Variants in GRM1 observed in about 807,000 individuals in gnomAD.
GRM1 encodes the protein metabotropic glutamate receptor 1.
A neutral mutation model predicts 90.9 loss-of-function variants in GRM1; 33 were observed. The observed-to-expected ratio is 0.36, with a 90% CI of 0.28 to 0.49. The LOEUF (loss-of-function observed/expected upper bound fraction) is 0.49, where lower values mean the gene tolerates loss of function less well. Among genes scored for constraint, GRM1 ranks in the 20% least tolerant of loss-of-function variants. The pLI is 0.99. For synonymous variants in GRM1, 700 were observed against 613.2 expected (o/e 1.14, Z -2.09); for missense variants, 1,190 against 1,534.3 (o/e 0.78, Z 3.75).
chr6:146,243,420 C>T (rs1780936938), intron 2 of GRM1, among the ~76,000 whole-genome samples: 1 of 152,020 alleles, frequency 6.6e-6, no homozygotes, highest in African/African-American at 2.4e-5. Flanking sequence ...GTTCTTGTGT[C>T]TGCCTTGAGT....
At chr6:146,386,247 A>T (rs1273969951) in intron 5 of GRM1, among the ~76,000 whole-genome samples, 1 of 152,100 alleles carries the variant, frequency 6.6e-6, no homozygotes, top group Admixed American at 6.6e-5. Context: ...GGGAAAGTTT[A>T]AACTGCTCAG....
chr6:146,318,517 C>T (rs985096403), intron 3 of GRM1, among the ~76,000 whole-genome samples: 9 of 151,920 alleles, frequency 5.9e-5, no homozygotes, highest in Non-Finnish European at 1.2e-4. Context: ...GGGTATATAC[C>T]CAGTAATGGG....
chr6:146,085,168 T>C (rs1776497479), intron 1 of GRM1, among the ~76,000 whole-genome samples: 1 of 152,020 alleles, frequency 6.6e-6, no homozygotes, highest in East Asian at 1.9e-4. Flanking sequence ...GCAACAGAAA[T>C]GGCTGATTGA....
intron 1 of GRM1, among the ~76,000 whole-genome samples, chr6:146,096,370 T>C (rs1035568180): frequency 6.6e-6 from 1 of 152,232 alleles, no homozygotes; most frequent in South Asian, 2.1e-4. Context: ...CAATGGAGCC[T>C]AAGTAAGAGG....
At chr6:146,190,647 G>A (rs1043882064) in intron 2 of GRM1, among the ~76,000 whole-genome samples, 5 of 152,058 alleles carry the variant, frequency 3.3e-5, no homozygotes, top group Admixed American at 1.3e-4. Context: ...CAAATAATAA[G>A]AAAAGACAAT....
At chr6:146,141,617 C>T (rs868494348) in intron 1 of GRM1, among the ~76,000 whole-genome samples, 11 of 151,990 alleles carry the variant, frequency 7.2e-5, no homozygotes, top group South Asian at 2.1e-4. Context: ...TCAAATAATC[C>T]GTCTTCAAGC....
At chr6:146,104,744 T>C (rs1777169411) in intron 1 of GRM1, among the ~76,000 whole-genome samples, 3 of 152,214 alleles carry the variant, frequency 2.0e-5, no homozygotes, top group Admixed American at 2.0e-4. Context: ...CAAGTGGGGA[T>C]ACATTCATAA....
In GRM1 at chr6:146,368,938, A is replaced by G. The variant is rs867907208; in HGVS notation, c.1602+11244A>G. On this transcript the variant is annotated intron_variant, in intron 5 of 7. Coordinates refer to ENST00000282753, the MANE Select transcript of GRM1 (RefSeq NM_001278064.2). Reference sequence around the variant, plus strand: ...GAATAATTAATACTGGTCTTCTTTAAAAGTCCAGTAGAATTCAGCAGTGAA... The same window carrying G: ...GAATAATTAATACTGGTCTTCTTTAGAAGTCCAGTAGAATTCAGCAGTGAA... Among the ~76,000 whole-genome samples the G allele has an allele frequency of 1.7e-4, 26 of 152,084 alleles. 1 individual carries two copies. In the South Asian group the frequency reaches 4.6e-3, roughly 27 times the overall value.
intron 2 of GRM1, among the ~76,000 whole-genome samples, chr6:146,257,548 T>C (rs1275450571): frequency 2.2e-5 from 3 of 134,180 alleles, no homozygotes; most frequent in African/African-American, 1.2e-4. Flanking sequence ...TTTATATGTG[T>C]GTACATATAT....
intron 2 of GRM1, among the ~76,000 whole-genome samples, chr6:146,167,322 C>T (rs1417015127): frequency 1.3e-5 from 2 of 152,080 alleles, no homozygotes; most frequent in Non-Finnish European, 2.9e-5. Context: ...TAATTTGTAA[C>T]TATTTTGAAT....
chr6:146,375,106 T>C (rs1311424905), intron 5 of GRM1, among the ~76,000 whole-genome samples: 2 of 152,126 alleles, frequency 1.3e-5, no homozygotes, highest in Non-Finnish European at 2.9e-5. Flanking sequence ...TTTTTCAATT[T>C]CCTTGTTAAT....
At chr6:146,159,302 T>C in intron 1 of GRM1, 46 bp from the exon 2 acceptor site, 2 of 1,612,306 alleles carry the variant, frequency 1.2e-6, no homozygotes, top group South Asian at 2.2e-5. Flanking sequence ...GTAAGTAGTG[T>C]TATTGCCACA....
rs796377070 is a variant in GRM1 at position 146,083,651 on chromosome 6, G to A, written c.700+53434G>A. Among the ~76,000 whole-genome samples the A allele has an allele frequency of 9.2e-5, 14 of 152,182 alleles. 1 individual carries two copies. The highest frequency in any genetic ancestry group is 3.4e-4 in the African/African-American group (14 of 41,546). On this transcript the variant is annotated intron_variant, in intron 1 of 7. Transcript: ENST00000282753. The stretch of plus-strand genomic sequence containing the variant: ...TTGGTTTGCCAGTATTTTATTGAGG[G>A]TTTTTGCACTGATGCTCTTCAGGGA...
At chr6:146,240,758 T>C (rs756189096) in intron 2 of GRM1, among the ~76,000 whole-genome samples, 29 of 152,190 alleles carry the variant, frequency 1.9e-4, no homozygotes, top group Non-Finnish European at 4.0e-4. Context: ...TTAAGCAGGA[T>C]GTCTTTACAA....
chr6:146,172,887 G>C (rs1403498363), intron 2 of GRM1, among the ~76,000 whole-genome samples: 1 of 152,150 alleles, frequency 6.6e-6, no homozygotes, highest in South Asian at 2.1e-4. Context: ...GGTTTTGGAA[G>C]AGTAGAGAAA....
intron 1 of GRM1, among the ~76,000 whole-genome samples, chr6:146,139,054 C>T (rs986069628): frequency 1.3e-5 from 2 of 151,662 alleles, no homozygotes; most frequent in Non-Finnish European, 2.9e-5. Context: ...AGAAATTTTT[C>T]AATTTTCTTC....
intron 2 of GRM1, among the ~76,000 whole-genome samples, chr6:146,166,671 G>A (rs896466363): frequency 6.6e-6 from 1 of 152,122 alleles, no homozygotes; most frequent in Non-Finnish European, 1.5e-5. Flanking sequence ...CAAAGTAGGA[G>A]CATTTAAACA....
chr6:146,043,796 T>TATATATAGAGAGAGAG, intron 1 of GRM1, among the ~76,000 whole-genome samples: 1 of 137,942 alleles, frequency 7.2e-6, no homozygotes, highest in African/African-American at 2.6e-5. Context: ...TATATATATA[T>TATATATAGAGAGAGAG]ATATATATAT....
chr6:146,107,589 C>T (rs1775361380), intron 1 of GRM1, among the ~76,000 whole-genome samples: 1 of 152,182 alleles, frequency 6.6e-6, no homozygotes, highest in Non-Finnish European at 1.5e-5. Context: ...CTCCTGGGAA[C>T]TCAAGAAATC....
Sources: allele counts gnomAD v4.1 joint callset (sites outside exome capture counted in the v4.1 genomes callset), GRCh38; gene constraint gnomAD v4.1.1; transcripts MANE v1.5; gene names NCBI Gene and HGNC (gene_info 2026-07-23, HGNC 2026-07-21).